BCHE: variants seen among roughly 807,000 people sequenced by gnomAD.
The protein encoded by BCHE is butyrylcholinesterase, also known as cholinesterase.
In BCHE, 48 loss-of-function variants were observed where a neutral mutation model predicts 51.3. The observed-to-expected ratio is 0.94, with a 90% CI of 0.74 to 1.19. BCHE has a LOEUF of 1.19. Among genes scored for constraint, BCHE ranks in the 50% most tolerant of loss-of-function variants. The pLI, the probability that BCHE is intolerant of heterozygous loss-of-function variation, is 0.00. For synonymous variants in BCHE, 251 were observed against 238.0 expected, an observed-to-expected ratio of 1.05 and a Z score of -0.50; for missense variants, 847 against 708.2, an observed-to-expected ratio of 1.20 and a Z score of -2.23.
At chr3:165,826,886 A>G (rs73877742) in intron 2 of BCHE, among the ~76,000 whole-genome samples, 3,781 of 152,186 alleles carry the variant, frequency 0.025, 154 homozygotes, top group African/African-American at 0.088. Flanking sequence ...CGTGTGCATT[A>G]CAGGGTGTTT....
chr3:165,834,650 A>C (rs2108238908), intron 1 of BCHE, among the ~76,000 whole-genome samples: 1 of 152,076 alleles, frequency 6.6e-6, no homozygotes, highest in South Asian at 2.1e-4. Context: ...AGACTTTAAA[A>C]ATTTTGATAT....
intron 2 of BCHE, among the ~76,000 whole-genome samples, chr3:165,806,674 G>A (rs886382940): frequency 5.3e-5 from 8 of 151,836 alleles, no homozygotes; most frequent in African/African-American, 1.7e-4. Flanking sequence ...TCATAATGTT[G>A]GATAAAACCA....
At chr3:165,827,851 T>C (rs1276965021) in intron 2 of BCHE, 2 of 300,240 alleles carry the variant, frequency 6.7e-6, no homozygotes, top group African/African-American at 4.5e-5. Flanking sequence ...TGAGAAGGAA[T>C]AAAATATTTT....
intron 2 of BCHE, among the ~76,000 whole-genome samples, chr3:165,818,853 G>T (rs958191615): frequency 6.6e-6 from 1 of 152,054 alleles, no homozygotes; most frequent in Admixed American, 6.6e-5. Context: ...ACCATGTGAG[G>T]AAGGTTTTAT....
chr3:165,813,139 G>T (rs748573790), intron 2 of BCHE, among the ~76,000 whole-genome samples: 2 of 151,728 alleles, frequency 1.3e-5, no homozygotes, highest in Non-Finnish European at 2.9e-5. Flanking sequence ...TTTAGCAAGA[G>T]AAGTTGCAAA....
At chr3:165,781,338 C>G (rs1576835400) in intron 3 of BCHE, among the ~76,000 whole-genome samples, 1 of 146,496 alleles carries the variant, frequency 6.8e-6, no homozygotes, top group East Asian at 2.0e-4. Context: ...AACCCAAAAG[C>G]CTATCAGTGA....
At chr3:165,816,971 T>C (rs1232937543) in intron 2 of BCHE, among the ~76,000 whole-genome samples, 1 of 152,144 alleles carries the variant, frequency 6.6e-6, no homozygotes, top group East Asian at 1.9e-4. Flanking sequence ...AAAATTTAAA[T>C]ATGAATTAAA....
At chr3:165,816,870 T>A (rs935700277) in intron 2 of BCHE, among the ~76,000 whole-genome samples, 1 of 152,016 alleles carries the variant, frequency 6.6e-6, no homozygotes, top group African/African-American at 2.4e-5. Flanking sequence ...AATAAACCTG[T>A]CTCATAGCTT....
chr3:165,825,726 C>T (rs1020085221), intron 2 of BCHE, among the ~76,000 whole-genome samples: 6 of 151,904 alleles, frequency 3.9e-5, no homozygotes, highest in South Asian at 2.1e-4. Context: ...CAACAGGCCC[C>T]GGTGTGTGAT....
chr3:165,776,031 A>G (rs2668208), intron 3 of BCHE, among the ~76,000 whole-genome samples: 97,924 of 151,656 alleles, frequency 0.65, 33,245 homozygotes, highest in East Asian at 0.8. Flanking sequence ...TATTATCAAC[A>G]TCAGCAATAT....
intron 3 of BCHE, among the ~76,000 whole-genome samples, chr3:165,776,695 T>G (rs1265926327): frequency 6.6e-6 from 1 of 151,844 alleles, no homozygotes; most frequent in Admixed American, 6.6e-5. Flanking sequence ...GGTAACATTT[T>G]GTGTTTTGGA....
At chr3:165,776,495 A>T (rs1712476608) in intron 3 of BCHE, among the ~76,000 whole-genome samples, 2 of 151,986 alleles carry the variant, frequency 1.3e-5, no homozygotes, top group African/African-American at 4.8e-5. Context: ...GGGAAAAAAT[A>T]ATCAAATTCT....
intron 2 of BCHE, among the ~76,000 whole-genome samples, chr3:165,788,107 G>T (rs907444550): frequency 1.6e-5 from 1 of 64,118 alleles, no homozygotes; most frequent in Admixed American, 2.1e-4. Flanking sequence ...AGTATGAGCC[G>T]ATCTAAGTTT....
At chr3:165,789,983 G>A (rs1484389870) in intron 2 of BCHE, among the ~76,000 whole-genome samples, 1 of 152,124 alleles carries the variant, frequency 6.6e-6, no homozygotes, top group African/African-American at 2.4e-5. Flanking sequence ...GATGTAATAT[G>A]TTAGATGATA....
intron 2 of BCHE, among the ~76,000 whole-genome samples, chr3:165,825,345 A>G (rs1714679286): frequency 6.6e-6 from 1 of 151,454 alleles, no homozygotes; most frequent in Non-Finnish European, 1.5e-5. Context: ...TGTAAATAAT[A>G]TTATGAATCA....
intron 2 of BCHE, among the ~76,000 whole-genome samples, chr3:165,818,917 A>T (rs540698776): frequency 2.0e-5 from 3 of 152,246 alleles, no homozygotes; most frequent in Admixed American, 2.0e-4. Context: ...TGTGGCAAAC[A>T]TGGCTTCAAA....
Position 165,830,525 on chromosome 3 carries a change from A to G in BCHE, c.509T>C (p.Val170Ala), listed in dbSNP as rs576781299. Residue 170 changes from valine (V) to alanine (A), a missense_variant, in exon 2 of 4, where the codon GTG becomes GCG. Transcript: ENST00000264381. ...FLARVERVIVVSMNYRVGALG... is the reference protein window; with the variant it reads ...FLARVERVIVASMNYRVGALG... ...GGCACCCACCCTATAGTTCATTGAC[A>G]CTACAATAACTCTTTCAACCCGAGC... The G allele has an allele frequency of 8.7e-5, 141 of 1,613,980 alleles. No homozygotes were observed. The South Asian group carries it at 1.4e-3, about 16-fold the overall frequency.
chr3:165,805,929 T>C (rs1030570247), intron 2 of BCHE, among the ~76,000 whole-genome samples: 26 of 152,282 alleles, frequency 1.7e-4, no homozygotes, highest in African/African-American at 5.5e-4. Flanking sequence ...TAATATTCTC[T>C]GGACATCTGA....
intron 3 of BCHE, chr3:165,777,632 G>C (rs2686410): frequency 0.56 from 155,867 of 277,308 alleles, 48,180 homozygotes; most frequent in East Asian, 0.66. Flanking sequence ...AAATTTGCAA[G>C]TACAAATGTT....
Sources: gnomAD v4.1 joint callset for allele counts (sites outside exome capture counted in the v4.1 genomes callset) on GRCh38, gnomAD v4.1.1 for gene constraint, MANE v1.5 for transcripts, NCBI Gene and HGNC (gene_info 2026-07-23, HGNC 2026-07-21) for gene names.